Variants in KCNIP4 observed in about 807,000 individuals in gnomAD.
KCNIP4 encodes the protein Kv channel-interacting protein 4.
A neutral mutation model predicts 34.0 loss-of-function variants in KCNIP4; 12 were observed. The observed-to-expected ratio is 0.35, with a 90% CI of 0.23 to 0.57. The LOEUF (loss-of-function observed/expected upper bound fraction) is 0.57. Ranked by LOEUF, KCNIP4 falls within the 20% of genes least tolerant of loss-of-function variation. The pLI is 0.83. For synonymous variants in KCNIP4, 124 were observed against 102.2 expected (o/e 1.21, Z -1.29); for missense variants, 238 against 311.7 (o/e 0.76, Z 1.78).
chr4:21,064,456 T>C (rs77357106), intron 1 of KCNIP4, among the ~76,000 whole-genome samples: 3,531 of 152,036 alleles, frequency 0.023, 125 homozygotes, highest in African/African-American at 0.079. Context: ...ATTAATAGTA[T>C]GTACACTGGA....
intron 1 of KCNIP4, among the ~76,000 whole-genome samples, chr4:21,085,308 A>G (rs1378548838): frequency 6.6e-6 from 1 of 152,092 alleles, no homozygotes; most frequent in East Asian, 1.9e-4. Context: ...ACCCAATCAT[A>G]TTGGCACCCC....
chr4:21,085,625 G>T (rs141114126), intron 1 of KCNIP4, among the ~76,000 whole-genome samples: 270 of 152,240 alleles, frequency 1.8e-3, no homozygotes, highest in Middle Eastern at 0.014. Context: ...TGCTCTATCT[G>T]ATTAGTTGGT....
chr4:21,913,472 G>A (rs1728455810), intron 1 of KCNIP4, among the ~76,000 whole-genome samples: 1 of 151,908 alleles, frequency 6.6e-6, no homozygotes, highest in African/African-American at 2.4e-5. Context: ...GCAGAGAGTG[G>A]CCTTCACAAG....
At chr4:21,050,451 A>G (rs970908578) in intron 1 of KCNIP4, among the ~76,000 whole-genome samples, 66 of 152,214 alleles carry the variant, frequency 4.3e-4, no homozygotes, top group African/African-American at 1.6e-3. Context: ...TAGCTTAAAT[A>G]TCTAAGTCAA....
chr4:21,122,353 A>G (rs1013515721), intron 1 of KCNIP4, among the ~76,000 whole-genome samples: 1 of 151,722 alleles, frequency 6.6e-6, no homozygotes, highest in African/African-American at 2.4e-5. Context: ...TTTGAAAATC[A>G]GTATTTTCCC....
chr4:21,896,929 TAAATAATAAATAAATAAATA>T, intron 1 of KCNIP4, among the ~76,000 whole-genome samples: 1 of 119,110 alleles, frequency 8.4e-6, no homozygotes, highest in South Asian at 3.4e-4. Flanking sequence ...AATACATAAA[TAAATAATAAATAAATAAATA>T]AATAAATAAA....
chr4:21,216,155 G>A (rs1757562675), intron 1 of KCNIP4, among the ~76,000 whole-genome samples: 1 of 152,150 alleles, frequency 6.6e-6, no homozygotes, highest in Non-Finnish European at 1.5e-5. Context: ...GTTGGTGCGG[G>A]TTTTTACAAG....
At chr4:21,360,729 A>T (rs745872721) in intron 1 of KCNIP4, among the ~76,000 whole-genome samples, 2 of 152,100 alleles carry the variant, frequency 1.3e-5, no homozygotes, top group African/African-American at 4.8e-5. Context: ...ATGTTAAAAA[A>T]ATTCAAATTA....
chr4:21,807,953 G>C (rs1721403446), intron 1 of KCNIP4, among the ~76,000 whole-genome samples: 1 of 152,102 alleles, frequency 6.6e-6, no homozygotes, highest in Admixed American at 6.6e-5. Context: ...TTCCCTAAAA[G>C]CTAGGTTTAC....
intron 1 of KCNIP4, among the ~76,000 whole-genome samples, chr4:21,365,529 TAAA>T (rs1560332501): frequency 3.6e-4 from 14 of 39,342 alleles, no homozygotes; most frequent in Non-Finnish European, 6.5e-4. Context: ...AAATAAAAAA[TAAA>T]GAAAGAAAAG....
rs528772388 is a variant in KCNIP4 at position 21,501,875 on chromosome 4, T to G, written c.61+446696A>C. Among the ~76,000 whole-genome samples, 5 of 147,054 alleles carry G rather than the reference T, an allele frequency of 3.4e-5. No homozygotes were observed. In the Admixed American group the frequency reaches 3.5e-4, roughly 10 times the overall value. ...GTTCAAATTTCCCCTTGCTGACAAT[T>G]TAAAAATAATTCTCTCTCTCTCTAT... On this transcript the variant is annotated intron_variant, in intron 1 of 8. Transcript: ENST00000382152.
At position 20,881,172 on chromosome 4, in the gene KCNIP4, CTTA is replaced by C. The variant is rs375338794; in HGVS notation, c.163+1433_163+1435del. On this transcript the variant is annotated intron_variant, in intron 2 of 8. Coordinates refer to ENST00000382152, the MANE Select transcript of KCNIP4 (RefSeq NM_025221.6). ...GAATGAATAAGCAAATTAATTAAATCTTATTATGATGATATATCACCTTTGGTC... is the reference window on the plus strand; with the variant it reads ...GAATGAATAAGCAAATTAATTAAATCTTATGATGATATATCACCTTTGGTC... 3.7e-3 allele frequency among the ~76,000 whole-genome samples: 564 copies of C among 152,220 alleles called. 3 individuals carry two copies. Among genetic ancestry groups the C allele is most frequent in the African/African-American group, 0.013 (537 of 41,520 alleles).
intron 1 of KCNIP4, among the ~76,000 whole-genome samples, chr4:21,335,594 G>A (rs1259498623): frequency 6.6e-6 from 1 of 152,078 alleles, no homozygotes; most frequent in African/African-American, 2.4e-5. Flanking sequence ...AGTTAAGTGG[G>A]CATAAAACAA....
chr4:21,539,848 G>A (rs560834942), intron 1 of KCNIP4, among the ~76,000 whole-genome samples: 3 of 151,980 alleles, frequency 2.0e-5, no homozygotes, highest in African/African-American at 4.8e-5. Flanking sequence ...GCATGGTGGC[G>A]GGCACCTGTA....
At chr4:20,732,574 T>TA in intron 7 of KCNIP4, 107 bp downstream of exon 7, 1 of 733,118 alleles carries the variant, frequency 1.4e-6, no homozygotes, top group Non-Finnish European at 2.4e-6. Flanking sequence ...TTTGTTTCAG[T>TA]AAAAATTATT....
At chr4:21,345,860 A>C (rs568946169) in intron 1 of KCNIP4, among the ~76,000 whole-genome samples, 1 of 151,840 alleles carries the variant, frequency 6.6e-6, no homozygotes, top group African/African-American at 2.4e-5. Flanking sequence ...AAAGCCCATT[A>C]CGCTCCTAAT....
chr4:21,874,841 T>C (rs1726015495), intron 1 of KCNIP4, among the ~76,000 whole-genome samples: 1 of 152,202 alleles, frequency 6.6e-6, no homozygotes, highest in Admixed American at 6.5e-5. Flanking sequence ...CCTGTATAAA[T>C]TTCTAATTTC....
At chr4:21,455,282 G>A (rs753134338) in intron 1 of KCNIP4, among the ~76,000 whole-genome samples, 11 of 152,012 alleles carry the variant, frequency 7.2e-5, no homozygotes, top group East Asian at 1.9e-4. Flanking sequence ...GGACCAATTC[G>A]TAGAGAAGAC....
intron 1 of KCNIP4, among the ~76,000 whole-genome samples, chr4:21,041,366 T>G (rs1486062588): frequency 6.6e-6 from 1 of 152,210 alleles, no homozygotes; most frequent in Non-Finnish European, 1.5e-5. Context: ...TTGTGTGCAC[T>G]CTATCTGCTT....
Sources: gnomAD v4.1 joint callset for allele counts (sites outside exome capture counted in the v4.1 genomes callset) on GRCh38, gnomAD v4.1.1 for gene constraint, MANE v1.5 for transcripts, NCBI Gene and HGNC (gene_info 2026-07-23, HGNC 2026-07-21) for gene names.